Variants in CD8A observed in about 807,000 individuals in gnomAD.
The protein encoded by CD8A is T-cell surface glycoprotein CD8 alpha chain.
A neutral mutation model predicts 24.2 loss-of-function variants in CD8A; 25 were observed. The observed-to-expected ratio is 1.03, with a 90% CI of 0.75 to 1.44. The LOEUF is 1.44. Among genes scored for constraint, CD8A ranks in the 40% most tolerant of loss-of-function variants. The pLI is 0.00. For missense variants in CD8A, 360 were observed against 319.7 expected, an observed-to-expected ratio of 1.13 and a Z score of -0.96; for synonymous variants, 165 against 149.9, an observed-to-expected ratio of 1.10 and a Z score of -0.74.
intron 3 of CD8A, among the ~76,000 whole-genome samples, chr2:86,801,190 T>G (rs1402981487): frequency 6.6e-6 from 1 of 152,204 alleles, no homozygotes; most frequent in Admixed American, 6.5e-5. Flanking sequence ...TGTGGTACTT[T>G]GTTAAAACAG....
chr2:86,804,610 T>G (rs957007557), intron 2 of CD8A, among the ~76,000 whole-genome samples: 2 of 151,906 alleles, frequency 1.3e-5, no homozygotes, highest in African/African-American at 4.8e-5. Context: ...TAAATTAGTA[T>G]TATTATTTTT....
chr2:86,784,789 G>C lies in CD8A; in HGVS notation c.*1131C>G, dbSNP rs777400650. 1.3e-5 allele frequency: 6 copies of C among 453,980 alleles called. No homozygotes were observed. Among genetic ancestry groups the C allele is most frequent in the Non-Finnish European group, 2.2e-5 (5 of 226,794 alleles). 28.1% of individuals were successfully genotyped at this position (453,980 alleles called of 1,614,324 possible). ...ATTCCTAAGGTGAAGAATTATGAGT[G>C]GTTCTTATTTCCTTATCTACTTAAG... On this transcript the variant is annotated 3_prime_UTR_variant, in exon 6 of 6. Transcript: ENST00000283635.
At chr2:86,790,720 G>GCGCCCCCCGCCCCC (rs747917576) in intron 1 of CD8A, 39 bp from the exon 2 acceptor site, 9 of 1,516,678 alleles carry the variant, frequency 5.9e-6, no homozygotes, top group Non-Finnish European at 8.0e-6. Flanking sequence ...CCGCAGTCCC[G>GCGCCCCCCGCCCCC]CGCCCCCCGC....
upstream of CD8A, among the ~76,000 whole-genome samples, chr2:86,793,895 A>G (rs1673394746): frequency 6.6e-6 from 1 of 152,198 alleles, no homozygotes. Flanking sequence ...TGTACAGAGC[A>G]CCATGGGGGT....
At chr2:86,801,844 T>C (rs1265298660) in intron 2 of CD8A, among the ~76,000 whole-genome samples, 1 of 152,204 alleles carries the variant, frequency 6.6e-6, no homozygotes, top group Non-Finnish European at 1.5e-5. Flanking sequence ...TGTTATTTTA[T>C]GGGTTCATTA....
chr2:86,796,870 A>T (rs1309776257), intron 3 of CD8A, among the ~76,000 whole-genome samples: 1 of 151,858 alleles, frequency 6.6e-6, no homozygotes, highest in African/African-American at 2.4e-5. Context: ...CTGTTGTCCA[A>T]CTCCTTTTCC....
chr2:86,790,987 G>A (rs903849626), upstream of CD8A: 10 of 777,104 alleles, frequency 1.3e-5, no homozygotes, highest in Non-Finnish European at 2.2e-5. Flanking sequence ...CCGCCGAGGA[G>A]AGTCACCCTC....
At position 86,784,719 on chromosome 2, in the gene CD8A, G is replaced by A. The variant is rs546541709; in HGVS notation, c.*1201C>T. On this transcript the variant is annotated 3_prime_UTR_variant, in exon 6 of 6. Coordinates refer to ENST00000283635, the MANE Select transcript of CD8A (RefSeq NM_001768.7). ...AGAAAGACATATTTTACATGTATGT[G>A]TAGAAAATAATCAGGAAGAATGTAC... 1.8e-3 allele frequency: 821 copies of A among 453,456 alleles called. 11 individuals are homozygous for A. The highest frequency in any genetic ancestry group is 0.012 in the South Asian group (805 of 64,436). The allele number at this position is 453,456 out of a possible 1,614,324, so 28.1% of individuals were successfully genotyped here. A position where few individuals can be genotyped will look rare whatever the true frequency, so the allele number is the denominator to read the frequency against.
intron 5 of CD8A, among the ~76,000 whole-genome samples, chr2:86,787,318 T>C (rs1336851827): frequency 6.6e-6 from 1 of 152,142 alleles, no homozygotes; most frequent in Non-Finnish European, 1.5e-5. Context: ...TGCATTTCCA[T>C]TGCTAAAAAC....
intron 4 of CD8A, 39 bp downstream of exon 4, chr2:86,789,284 G>C: frequency 1.5e-6 from 2 of 1,322,474 alleles, no homozygotes; most frequent in Non-Finnish European, 1.1e-6. Flanking sequence ...GGGCAGGAGC[G>C]GGGCCGACTC....
chr2:86,795,647 T>C (rs1170705257), upstream of CD8A, among the ~76,000 whole-genome samples: 1 of 152,116 alleles, frequency 6.6e-6, no homozygotes, highest in East Asian at 1.9e-4. Context: ...GTTTGACTCC[T>C]TCAGCTAACA....
chr2:86,794,972 C>T (rs1673433382), upstream of CD8A, among the ~76,000 whole-genome samples: 1 of 152,192 alleles, frequency 6.6e-6, no homozygotes, highest in African/African-American at 2.4e-5. Flanking sequence ...TCCCTTAAGA[C>T]CCAGCTCAAG....
Position 86,789,696 on chromosome 2 carries a change from G to C in CD8A, c.458C>G (p.Ala153Gly). The change falls in exon 3 of 6, where the codon GCG becomes GGG. Residue 153 changes from alanine to glycine, a missense_variant. Transcript: ENST00000283635. ...TGGGCGCAGGGACAGGGGCTGCGACGCGATGGTGGGCGCCGGTGTTGGTGG... is the reference window on the plus strand; with the variant it reads ...TGGGCGCAGGGACAGGGGCTGCGACCCGATGGTGGGCGCCGGTGTTGGTGG... ...PRPPTPAPTI[A>G]SQPLSLRPEA... 2.1e-6 allele frequency: 3 copies of C among 1,404,300 alleles called. No individual in the cohort carries two copies. The highest frequency in any genetic ancestry group is 1.7e-5 in the South Asian group (1 of 59,840). The allele number at this position is 1,404,300 out of a possible 1,614,324, so 87.0% of individuals were successfully genotyped here. A position where few individuals can be genotyped will look rare whatever the true frequency, so the allele number is the denominator to read the frequency against.
At chr2:86,806,002 T>G (rs1000805811) in intron 2 of CD8A, among the ~76,000 whole-genome samples, 6 of 152,230 alleles carry the variant, frequency 3.9e-5, no homozygotes, top group Admixed American at 1.3e-4. Context: ...TGTGACAATT[T>G]GTTATCTTAA....
Position 86,785,355 on chromosome 2 carries a change from G to C in CD8A, c.*565C>G. ...CTCTTCTTTAATTCATTACCTCCTCGAGGCTCTGGGCACAGTATCCCAGGT... is the reference window on the plus strand; with the variant it reads ...CTCTTCTTTAATTCATTACCTCCTCCAGGCTCTGGGCACAGTATCCCAGGT... On this transcript the variant is annotated 3_prime_UTR_variant, in exon 6 of 6. Coordinates refer to ENST00000283635, the MANE Select transcript of CD8A (RefSeq NM_001768.7). 1 of 453,720 alleles carries C rather than the reference G, an allele frequency of 2.2e-6. No individual in the cohort carries two copies. Among genetic ancestry groups the C allele is most frequent in the South Asian group, 1.6e-5 (1 of 64,454 alleles). The allele number at this position is 453,720 out of a possible 1,614,324, so 28.1% of individuals were successfully genotyped here. A position where few individuals can be genotyped will look rare whatever the true frequency, so the allele number is the denominator to read the frequency against.
rs1450437187 is a variant in CD8A at position 86,803,432 on chromosome 2, T to C, written c.-417-1775A>G. ...CGGATATATACAAGGGAATTCAGCC[T>C]TAAAAAAGGAGGAGATAGCATTTGC... On this transcript the variant is annotated intron_variant, in intron 2 of 8. Coordinates refer to the CD8A transcript ENST00000409511. Among the ~76,000 whole-genome samples the C allele has an allele frequency of 2.0e-5, 3 of 152,154 alleles. No homozygotes were observed. The East Asian group carries it at 5.8e-4, about 29-fold the overall frequency.
chr2:86,797,181 G>A (rs1212587957), intron 3 of CD8A, among the ~76,000 whole-genome samples: 2 of 152,164 alleles, frequency 1.3e-5, no homozygotes, highest in South Asian at 2.1e-4. Flanking sequence ...GGAGAGCCAG[G>A]ATTTGAGTTC....
chr2:86,791,014 C>A (rs1673283701), upstream of CD8A: 3 of 734,678 alleles, frequency 4.1e-6, no homozygotes, highest in Admixed American at 2.0e-5. Context: ...GCGGTTGTCG[C>A]CTTCCAGCCC....
At chr2:86,792,984 T>C (rs1673361459), upstream of CD8A, among the ~76,000 whole-genome samples, 1 of 152,226 alleles carries the variant, frequency 6.6e-6, no homozygotes, top group Admixed American at 6.5e-5. Context: ...CAAAGTTCCC[T>C]GTCTCAACTC....
Sources: allele counts gnomAD v4.1 joint callset (sites outside exome capture counted in the v4.1 genomes callset), GRCh38; gene constraint gnomAD v4.1.1; transcripts MANE v1.5; gene names NCBI Gene and HGNC (gene_info 2026-07-23, HGNC 2026-07-21).